The following TNFRSF21 variants were observed in gnomAD, a reference collection of about 807,000 sequenced individuals.
TNFRSF21 encodes TNF receptor superfamily member 21.
In TNFRSF21, 19 loss-of-function variants were observed where a neutral mutation model predicts 45.6. The observed-to-expected ratio is 0.42, with a 90% CI of 0.29 to 0.61. The LOEUF (loss-of-function observed/expected upper bound fraction) is 0.61, where lower values mean the gene tolerates loss of function less well. TNFRSF21 is among the 20% of genes least tolerant of loss of function. The probability of loss-of-function intolerance (pLI) is 0.23; values close to 1 mark genes in which losing one functional copy is unlikely to be tolerated. For synonymous variants in TNFRSF21, 314 were observed against 335.5 expected (o/e 0.94, Z 0.70); for missense variants, 737 against 851.5 (o/e 0.87, Z 1.67).
intron 3 of TNFRSF21, among the ~76,000 whole-genome samples, chr6:47,270,152 C>T (rs550594218): frequency 3.9e-5 from 6 of 152,262 alleles, no homozygotes; most frequent in African/African-American, 1.2e-4. Context: ...CCCAGCATGG[C>T]GTATGAGCTC....
chr6:47,299,513 C>G (rs1264774083), intron 1 of TNFRSF21, among the ~76,000 whole-genome samples: 2 of 151,928 alleles, frequency 1.3e-5, no homozygotes, highest in Non-Finnish European at 2.9e-5. Context: ...AAACATAAAT[C>G]TCAACTTTTA....
intron 3 of TNFRSF21, among the ~76,000 whole-genome samples, chr6:47,257,919 T>C (rs999472116): frequency 6.6e-6 from 1 of 152,146 alleles, no homozygotes; most frequent in African/African-American, 2.4e-5. Context: ...GATGCCTCAA[T>C]TGTGGTTAAT....
chr6:47,243,135 C>T (rs1323974845), intron 4 of TNFRSF21, among the ~76,000 whole-genome samples: 2 of 152,130 alleles, frequency 1.3e-5, no homozygotes, highest in East Asian at 1.9e-4. Context: ...TAGATTCATG[C>T]CATTAGAATT....
chr6:47,242,840 C>A (rs1764767206), intron 4 of TNFRSF21, among the ~76,000 whole-genome samples: 1 of 152,240 alleles, frequency 6.6e-6, no homozygotes, highest in African/African-American at 2.4e-5. Context: ...GAGCTCAGCA[C>A]CATCGGAACA....
chr6:47,264,332 AG>A (rs1762297288), intron 3 of TNFRSF21, among the ~76,000 whole-genome samples: 2 of 152,316 alleles, frequency 1.3e-5, no homozygotes, highest in South Asian at 4.1e-4. Context: ...GTTTGAGACC[AG>A]CTTGGCCGAC....
In TNFRSF21 at chr6:47,309,661, G is replaced by A; in HGVS notation, c.-150C>T. 1 of 1,182,468 alleles carries A rather than the reference G, an allele frequency of 8.5e-7. No homozygotes were observed. The allele number at this position is 1,182,468 out of a possible 1,614,324, so 73.2% of individuals were successfully genotyped here. A position where few individuals can be genotyped will look rare whatever the true frequency, so the allele number is the denominator to read the frequency against. ...CCATGTGCACTGCTGCGGCCGGGCA[G>A]AGGAGGGAGGCGGCAAGGGAGGCTC... is the stretch of plus-strand genomic sequence containing the variant. On this transcript the variant is annotated 5_prime_UTR_variant, in exon 1 of 6. Transcript: ENST00000296861.
At chr6:47,286,791 G>A (rs948448633) in intron 1 of TNFRSF21, among the ~76,000 whole-genome samples, 196 bp from the exon 2 acceptor site, 1 of 152,090 alleles carries the variant, frequency 6.6e-6, no homozygotes, top group Non-Finnish European at 1.5e-5. Flanking sequence ...CCACCCTACA[G>A]CTTGATCTAC....
Position 47,243,366 on chromosome 6 carries a change from T to C in TNFRSF21, c.1510-8468A>G, listed in dbSNP as rs1476359578. Among the ~76,000 whole-genome samples, 4 of 151,686 alleles carry C rather than the reference T, an allele frequency of 2.6e-5. 1 individual carries two copies. The East Asian group carries it at 7.7e-4, about 29-fold the overall frequency. Reference sequence around the variant, plus strand: ...CAATTTTTAACATCTATGTATATACTGTGTGTGTGTGTATATATATGTATA... The same window carrying C: ...CAATTTTTAACATCTATGTATATACCGTGTGTGTGTGTATATATATGTATA... On this transcript the variant is annotated intron_variant, in intron 4 of 5. Transcript: ENST00000296861.
chr6:47,287,307 C>CA (rs1164380285), intron 1 of TNFRSF21, among the ~76,000 whole-genome samples: 3,474 of 20,792 alleles, frequency 0.17, 669 homozygotes, highest in East Asian at 0.22. Context: ...AACTCTTTCT[C>CA]AAAAAAAAAA....
At chr6:47,289,458 C>A (rs1762690800) in intron 1 of TNFRSF21, among the ~76,000 whole-genome samples, 1 of 151,946 alleles carries the variant, frequency 6.6e-6, no homozygotes, top group African/African-American at 2.4e-5. Flanking sequence ...TCTGTCGAGA[C>A]CCTCCCCCAA....
intron 1 of TNFRSF21, among the ~76,000 whole-genome samples, chr6:47,295,819 C>A (rs892934700): frequency 6.8e-6 from 1 of 147,974 alleles, no homozygotes; most frequent in African/African-American, 2.5e-5. Flanking sequence ...AAAAAAAAGT[C>A]TTCTGTTGCT....
intron 1 of TNFRSF21, 38 bp from the exon 2 acceptor site, chr6:47,286,633 CAAG>C (rs1310664365): frequency 7.0e-6 from 11 of 1,561,642 alleles, no homozygotes; most frequent in Non-Finnish European, 9.5e-6. Flanking sequence ...GAACAAAAAC[CAAG>C]AAGATGTTAC....
chr6:47,247,394 C>T (rs1764838045), intron 4 of TNFRSF21, among the ~76,000 whole-genome samples: 2 of 152,158 alleles, frequency 1.3e-5, no homozygotes, highest in South Asian at 4.1e-4. Context: ...TAGCTGTTAC[C>T]TTAGGTCCTC....
intron 1 of TNFRSF21, among the ~76,000 whole-genome samples, chr6:47,295,385 C>T (rs892614755): frequency 2.0e-5 from 3 of 152,100 alleles, no homozygotes; most frequent in South Asian, 2.1e-4. Flanking sequence ...AAAGTCAAGG[C>T]GGAAATAAAC....
At chr6:47,298,212 G>C (rs1304813658) in intron 1 of TNFRSF21, among the ~76,000 whole-genome samples, 1 of 149,980 alleles carries the variant, frequency 6.7e-6, no homozygotes, top group South Asian at 2.1e-4. Context: ...AGGGCAAGGA[G>C]AGAGGATTGC....
At chr6:47,271,080 TGGAAAACACTCTTCAGAATATTATCCA>T (rs1240336936) in intron 3 of TNFRSF21, among the ~76,000 whole-genome samples, 2 of 152,192 alleles carry the variant, frequency 1.3e-5, no homozygotes, top group Non-Finnish European at 2.9e-5. Context: ...GGAACCAAGT[TGGAAAACACTCTTCAGAATATTATCCA>T]GGAGAACTTC....
At chr6:47,291,880 C>A (rs1406516201) in intron 1 of TNFRSF21, among the ~76,000 whole-genome samples, 1 of 152,210 alleles carries the variant, frequency 6.6e-6, no homozygotes, top group Non-Finnish European at 1.5e-5. Context: ...TGAGTGAAAC[C>A]CTGCTGAGAG....
intron 1 of TNFRSF21, among the ~76,000 whole-genome samples, chr6:47,286,854 T>C (rs995658499): frequency 7.9e-5 from 12 of 152,204 alleles, no homozygotes; most frequent in African/African-American, 2.9e-4. Flanking sequence ...CTTCCTTTTT[T>C]TCCATTTGTA....
At chr6:47,254,165 C>T (rs2113850405) in intron 3 of TNFRSF21, among the ~76,000 whole-genome samples, 1 of 152,132 alleles carries the variant, frequency 6.6e-6, no homozygotes, top group East Asian at 1.9e-4. Context: ...AACACAGGCA[C>T]TGTGGTACCA....
Sources: gnomAD v4.1 joint callset for allele counts (sites outside exome capture counted in the v4.1 genomes callset) on GRCh38, gnomAD v4.1.1 for gene constraint, MANE v1.5 for transcripts, NCBI Gene and HGNC (gene_info 2026-07-23, HGNC 2026-07-21) for gene names.